The following IL1RAPL2 variants were observed in gnomAD, a reference collection of about 807,000 sequenced individuals.
IL1RAPL2 encodes interleukin 1 receptor accessory protein like 2.
A neutral mutation model predicts 44.1 loss-of-function variants in IL1RAPL2; 3 were observed. That is an observed-to-expected ratio of 0.07 (90% confidence interval 0.03 to 0.18). The LOEUF (loss-of-function observed/expected upper bound fraction) is 0.18. Among genes scored for constraint, IL1RAPL2 ranks in the 10% least tolerant of loss-of-function variants. The pLI, the probability that IL1RAPL2 is intolerant of heterozygous loss-of-function variation, is 1.00. For missense variants in IL1RAPL2, 391 were observed against 496.4 expected (o/e 0.79, Z 2.02); for synonymous variants, 181 against 178.8 (o/e 1.01, Z -0.10).
chrX:105,123,277 C>A (rs2032943292), intron 2 of IL1RAPL2, among the ~76,000 whole-genome samples: 1 of 110,898 alleles, frequency 9.0e-6, no homozygotes, highest in South Asian at 3.8e-4. Flanking sequence ...GTTAGGAAAA[C>A]TTTATTCCTG....
intron 3 of IL1RAPL2, among the ~76,000 whole-genome samples, chrX:105,216,215 C>T (rs1238729280): frequency 9.0e-6 from 1 of 111,041 alleles, no homozygotes. Context: ...AAAACCCCAT[C>T]GTCTCAGCCC....
intron 1 of IL1RAPL2, among the ~76,000 whole-genome samples, chrX:104,631,054 C>G (rs894958986): frequency 2.7e-5 from 3 of 110,607 alleles, no homozygotes; most frequent in Non-Finnish European, 3.8e-5. Context: ...TGTTCTCATT[C>G]TTCAATTCCC....
chrX:105,099,811 A>G (rs2032650435), intron 2 of IL1RAPL2, among the ~76,000 whole-genome samples: 2 of 110,296 alleles, frequency 1.8e-5, no homozygotes, highest in Admixed American at 1.9e-4. Context: ...CTCACTCACT[A>G]TCATGAGGAC....
intron 2 of IL1RAPL2, among the ~76,000 whole-genome samples, chrX:104,730,373 C>T (rs201569910): frequency 0.13 from 7,295 of 57,974 alleles, 504 homozygotes; most frequent in Non-Finnish European, 0.17. Context: ...TCCCTCCCCT[C>T]CCCCCCACCC....
chrX:105,395,195 T>C (rs764155244), intron 5 of IL1RAPL2, among the ~76,000 whole-genome samples: 68 of 110,745 alleles, frequency 6.1e-4, no homozygotes, highest in African/African-American at 2.1e-3. Flanking sequence ...GGAATAGTGA[T>C]TAGAATGCTT....
chrX:105,285,275 A>G (rs2034562315), intron 5 of IL1RAPL2, among the ~76,000 whole-genome samples: 1 of 111,956 alleles, frequency 8.9e-6, no homozygotes, highest in Non-Finnish European at 1.9e-5. Context: ...ACTGGCCTGT[A>G]TAGGTTTGTG....
At chrX:105,078,034 C>G (rs1488442128) in intron 2 of IL1RAPL2, among the ~76,000 whole-genome samples, 1 of 111,779 alleles carries the variant, frequency 8.9e-6, no homozygotes, top group Non-Finnish European at 1.9e-5. Context: ...CTTCCTCTCT[C>G]AACTCGTCAT....
intron 7 of IL1RAPL2, among the ~76,000 whole-genome samples, chrX:105,738,611 G>T (rs1348129738): frequency 9.0e-6 from 1 of 111,580 alleles, no homozygotes; most frequent in Non-Finnish European, 1.9e-5. Context: ...CTGCAGGGTT[G>T]TCACCATGTA....
intron 2 of IL1RAPL2, among the ~76,000 whole-genome samples, 164 bp from the exon 3 acceptor site, chrX:105,195,311 A>C (rs181223257): frequency 9.1e-6 from 1 of 110,139 alleles, no homozygotes; most frequent in African/African-American, 3.3e-5. Context: ...GGCTGTGCTT[A>C]CTAAGGTCTA....
intron 5 of IL1RAPL2, among the ~76,000 whole-genome samples, chrX:105,296,313 C>T (rs779241938): frequency 8.9e-6 from 1 of 111,760 alleles, no homozygotes; most frequent in South Asian, 3.8e-4. Context: ...AAGGCCATGA[C>T]TTTTATAATC....
At chrX:104,784,469 G>T (rs558393919) in intron 2 of IL1RAPL2, among the ~76,000 whole-genome samples, 50 of 111,686 alleles carry the variant, frequency 4.5e-4, no homozygotes, top group Middle Eastern at 4.7e-3. Context: ...AGAGGCTATT[G>T]CTAGTCTCCT....
intron 5 of IL1RAPL2, among the ~76,000 whole-genome samples, chrX:105,364,358 C>T (rs2035277125): frequency 9.0e-6 from 1 of 111,056 alleles, no homozygotes; most frequent in African/African-American, 3.3e-5. Flanking sequence ...CAGCATGATG[C>T]CTCCAGATTT....
At chrX:104,914,175 AAAAC>A (rs1346060490) in intron 2 of IL1RAPL2, among the ~76,000 whole-genome samples, 4 of 111,618 alleles carry the variant, frequency 3.6e-5, no homozygotes, top group Middle Eastern at 4.6e-3. Flanking sequence ...ATCTTTACTA[AAAAC>A]AAACAAACAA....
At chrX:104,657,990 G>T (rs1930305598) in intron 1 of IL1RAPL2, among the ~76,000 whole-genome samples, 1 of 112,370 alleles carries the variant, frequency 8.9e-6, no homozygotes, top group East Asian at 2.8e-4. Flanking sequence ...AGGATGTGGA[G>T]AAATAGGAAA....
chrX:104,655,959 T>A (rs957265907), intron 1 of IL1RAPL2, among the ~76,000 whole-genome samples: 1 of 112,000 alleles, frequency 8.9e-6, no homozygotes, highest in Non-Finnish European at 1.9e-5. Context: ...TTAATTTGCG[T>A]AGAGGTGTTT....
intron 6 of IL1RAPL2, among the ~76,000 whole-genome samples, chrX:105,617,191 C>T (rs1260052509): frequency 9.0e-6 from 1 of 111,208 alleles, no homozygotes; most frequent in African/African-American, 3.3e-5. Context: ...CTCTTTTTAG[C>T]TCTCCCAACT....
Position 104,915,015 on chromosome X carries a change from G to A in IL1RAPL2, c.82+256020G>A, listed in dbSNP as rs138021885. On this transcript the variant is annotated intron_variant, in intron 2 of 10. Coordinates refer to ENST00000372582, the MANE Select transcript of IL1RAPL2 (RefSeq NM_017416.2). ...AGTCTTTGCTATTGTGAATAGTGCC[G>A]CGATAAACATACATGTGCATGTGTC... Among the ~76,000 whole-genome samples, 719 of 111,652 alleles carry A rather than the reference G, an allele frequency of 6.4e-3. 3 individuals carry two copies. Among genetic ancestry groups the A allele is most frequent in the African/African-American group, 0.022 (670 of 30,651 alleles).
chrX:104,964,437 G>T (rs941022677), intron 2 of IL1RAPL2, among the ~76,000 whole-genome samples: 2 of 108,036 alleles, frequency 1.9e-5, no homozygotes, highest in Non-Finnish European at 3.8e-5. Flanking sequence ...TCAGCCTCCC[G>T]AGTAGCTGGG....
chrX:104,582,135 C>T (rs1174686527), intron 1 of IL1RAPL2, among the ~76,000 whole-genome samples: 2 of 112,195 alleles, frequency 1.8e-5, no homozygotes, highest in Non-Finnish European at 3.8e-5. Context: ...AAATCTCTTT[C>T]CAGGCACATA....
Sources: allele counts gnomAD v4.1 joint callset (sites outside exome capture counted in the v4.1 genomes callset), GRCh38; gene constraint gnomAD v4.1.1; transcripts MANE v1.5; gene names NCBI Gene and HGNC (gene_info 2026-07-23, HGNC 2026-07-21).